The following CAPN13 variants were observed in gnomAD, a reference collection of about 807,000 sequenced individuals.
The protein encoded by CAPN13 is calpain-13.
A neutral mutation model predicts 98.4 loss-of-function variants in CAPN13; 90 were observed. The ratio of observed to expected loss-of-function variants is 0.92; its 90% CI spans 0.77 to 1.09. CAPN13 has a LOEUF of 1.09. Among genes scored for constraint, CAPN13 ranks in the 50% least tolerant of loss-of-function variants. The probability of loss-of-function intolerance (pLI) is 0.00; values close to 1 mark genes in which losing one functional copy is unlikely to be tolerated. For missense variants in CAPN13, 887 were observed against 841.3 expected (o/e 1.05, Z -0.67); for synonymous variants, 330 against 305.5 (o/e 1.08, Z -0.84).
chr2:30,764,156 C>G lies in CAPN13; in HGVS notation c.675G>C (p.Leu225=). ...AVKTATKAGS[L]ITCATPSGPT... is the part of the protein sequence containing the mutation. ...CCCCACTTGGAGTGGCACAGGTTAT[C>G]AGGGAGCCTGCCTTGGTCGCTGTCT... Residue 225 remains leucine (L), a synonymous_variant, in exon 6 of 23, where the codon CTG becomes CTC. Coordinates refer to ENST00000295055, the MANE Select transcript of CAPN13 (RefSeq NM_144575.3). 6.3e-7 allele frequency: 1 copy of G among 1,582,178 alleles called. No homozygotes were observed. The highest frequency in any genetic ancestry group is 8.6e-7 in the Non-Finnish European group (1 of 1,163,668).
chr2:30,778,162 C>T (rs925860236), intron 2 of CAPN13, among the ~76,000 whole-genome samples: 1 of 152,218 alleles, frequency 6.6e-6, no homozygotes, highest in African/African-American at 2.4e-5. Context: ...TCTTTGCCCA[C>T]TCCCTGGGTA....
At chr2:30,747,848 G>C (rs1325828830) in intron 11 of CAPN13, among the ~76,000 whole-genome samples, 1 of 152,362 alleles carries the variant, frequency 6.6e-6, no homozygotes, top group African/African-American at 2.4e-5. Context: ...GATCTTGCAA[G>C]ATCTGCTGGG....
chr2:30,792,430 AC>A (rs1224791899), intron 1 of CAPN13, among the ~76,000 whole-genome samples: 1 of 152,126 alleles, frequency 6.6e-6, no homozygotes, highest in Non-Finnish European at 1.5e-5. Flanking sequence ...ACTATGAACC[AC>A]CCAATGCCAA....
At chr2:30,771,952 G>T (rs910453392) in intron 4 of CAPN13, among the ~76,000 whole-genome samples, 6 of 152,200 alleles carry the variant, frequency 3.9e-5, no homozygotes, top group Admixed American at 6.5e-5. Flanking sequence ...GTGGCCGTTT[G>T]GTTCAGCACC....
chr2:30,768,891 G>A (rs1673243899), intron 5 of CAPN13, among the ~76,000 whole-genome samples: 1 of 152,084 alleles, frequency 6.6e-6, no homozygotes, highest in Admixed American at 6.5e-5. Context: ...CTAGAAAGCT[G>A]GAGAATGCCA....
At chr2:30,756,967 C>G (rs1460597980) in intron 8 of CAPN13, among the ~76,000 whole-genome samples, 1 of 152,170 alleles carries the variant, frequency 6.6e-6, no homozygotes, top group African/African-American at 2.4e-5. Context: ...CATGGGGGAT[C>G]GGAGCGGTCC....
chr2:30,765,918 C>G (rs1297371784), intron 5 of CAPN13, among the ~76,000 whole-genome samples: 1 of 152,194 alleles, frequency 6.6e-6, no homozygotes, highest in Non-Finnish European at 1.5e-5. Flanking sequence ...CTCTCTCTGA[C>G]CCAGGGTCTA....
chr2:30,736,721 C>T (rs1011882332), intron 17 of CAPN13, 150 bp from the exon 18 acceptor site: 1 of 682,872 alleles, frequency 1.5e-6, no homozygotes, highest in Admixed American at 2.5e-5. Context: ...CTGGCTCCCG[C>T]TGTGTCTGAA....
At chr2:30,771,481 T>C (rs1371024257) in intron 4 of CAPN13, among the ~76,000 whole-genome samples, 1 of 152,232 alleles carries the variant, frequency 6.6e-6, no homozygotes, top group African/African-American at 2.4e-5. Context: ...GATGTTTTAA[T>C]AGCTGCTAAT....
intron 1 of CAPN13, among the ~76,000 whole-genome samples, chr2:30,802,177 G>A (rs1291435529): frequency 6.6e-6 from 1 of 151,928 alleles, no homozygotes; most frequent in Admixed American, 6.6e-5. Context: ...GGGTGGCGGG[G>A]GTTTGGAGAC....
At position 30,749,045 on chromosome 2, in the gene CAPN13, G is replaced by A. The variant is rs149047153; in HGVS notation, c.1236+2058C>T. On this transcript the variant is annotated intron_variant, in intron 11 of 22. Transcript: ENST00000295055. ...TATCAAACACCCCTGTCACCTCCAA[G>A]GTGCACCTTGCATAGGTCATTCCTC... is the stretch of plus-strand genomic sequence containing the variant. Among the ~76,000 whole-genome samples, 679 of 152,188 alleles carry A rather than the reference G, an allele frequency of 4.5e-3. 8 individuals carry two copies. The highest frequency in any genetic ancestry group is 0.015 in the African/African-American group (633 of 41,512).
intron 1 of CAPN13, chr2:30,806,143 T>C (rs1372997953): frequency 1.3e-5 from 2 of 152,094 alleles, no homozygotes; most frequent in Non-Finnish European, 2.9e-5. Flanking sequence ...GGTAACTGAA[T>C]ACAACCAAAT....
rs372128830 is a variant in CAPN13, at chr2:30,751,157, T to C, written c.1182A>G (p.Pro394=). 29 of 1,613,804 alleles carry C rather than the reference T, an allele frequency of 1.8e-5. No individual in the cohort carries two copies. Among genetic ancestry groups the C allele is most frequent in the Non-Finnish European group, 2.3e-5 (27 of 1,179,838 alleles). ...TTGCATCTTCTGCTTTCAAATTTGA[T>C]GGTGTGACAGCAACTGTGACGCACA... is the stretch of plus-strand genomic sequence containing the variant. ...VVVCVTVAVT[P]SNLKAEDAKF... The change falls in exon 11 of 23, where the codon CCA becomes CCG. Residue 394 remains proline (P), a synonymous_variant. Coordinates refer to ENST00000295055, the MANE Select transcript of CAPN13 (RefSeq NM_144575.3).
rs1675693381 is a variant in CAPN13 at position 30,807,409 on chromosome 2, CG to C, written c.-141del. 1 of 152,454 alleles carries C rather than the reference CG, an allele frequency of 6.6e-6. No individual in the cohort carries two copies. Among genetic ancestry groups the C allele is most frequent in the South Asian group, 2.1e-4 (1 of 4,820 alleles). The allele number at this position is 152,454 out of a possible 1,614,324, so 9.4% of individuals were successfully genotyped here. On this transcript the variant is annotated 5_prime_UTR_variant, in exon 1 of 23. Coordinates refer to ENST00000295055, the MANE Select transcript of CAPN13 (RefSeq NM_144575.3). ...GACTGGCAGAGGAGGAGAGCATGGC[CG>C]GCCGTCTTGGAGAAAGAGCAGTGCT...
intron 2 of CAPN13, among the ~76,000 whole-genome samples, chr2:30,778,706 C>T (rs549136517): frequency 1.1e-4 from 17 of 152,230 alleles, no homozygotes; most frequent in Middle Eastern, 3.4e-3. Context: ...AAGGTGTGCC[C>T]GCCTGCAAAC....
At chr2:30,788,655 A>G (rs1674452106) in intron 1 of CAPN13, among the ~76,000 whole-genome samples, 1 of 152,256 alleles carries the variant, frequency 6.6e-6, no homozygotes, top group South Asian at 2.1e-4. Context: ...AGCAAGGACT[A>G]TAAAGGAATA....
chr2:30,798,737 T>C (rs1366267830), intron 1 of CAPN13, among the ~76,000 whole-genome samples: 1 of 152,152 alleles, frequency 6.6e-6, no homozygotes. Context: ...CCTTAACAAA[T>C]ACTCATTTGA....
At chr2:30,745,346 T>A in intron 12 of CAPN13, 1 of 497,920 alleles carries the variant, frequency 2.0e-6, no homozygotes. Flanking sequence ...GCATCCTGCT[T>A]ATGGAGGATT....
At chr2:30,762,026 C>T (rs1672874352) in intron 7 of CAPN13, among the ~76,000 whole-genome samples, 1 of 152,160 alleles carries the variant, frequency 6.6e-6, no homozygotes, top group Non-Finnish European at 1.5e-5. Flanking sequence ...CATTATTAGA[C>T]CTCAAGTGTT....
Sources: gnomAD v4.1 joint callset for allele counts (sites outside exome capture counted in the v4.1 genomes callset) on GRCh38, gnomAD v4.1.1 for gene constraint, MANE v1.5 for transcripts, NCBI Gene and HGNC (gene_info 2026-07-23, HGNC 2026-07-21) for gene names.